Variants in ATP8A1 observed in about 807,000 individuals in gnomAD.
ATP8A1 encodes the protein ATPase phospholipid transporting 8A1.
Under a neutral mutation model 177.7 loss-of-function variants are expected in ATP8A1, and 90 were observed. The ratio of observed to expected loss-of-function variants is 0.51; its 90% CI spans 0.43 to 0.60. The LOEUF is 0.60. ATP8A1 is among the 20% of genes least tolerant of loss of function. ATP8A1 has a pLI of 0.00. For synonymous variants in ATP8A1, 493 were observed against 485.9 expected, an observed-to-expected ratio of 1.01 and a Z score of -0.19; for missense variants, 1,072 against 1,392.8, an observed-to-expected ratio of 0.77 and a Z score of 3.67.
intron 22 of ATP8A1, among the ~76,000 whole-genome samples, chr4:42,513,828 G>C (rs1578083960): frequency 1.3e-5 from 2 of 152,150 alleles, no homozygotes; most frequent in East Asian, 3.8e-4. Flanking sequence ...GCTGGATTAG[G>C]ACAAAAGAAG....
At chr4:42,621,173 G>C (rs1331648114) in intron 4 of ATP8A1, among the ~76,000 whole-genome samples, 1 of 152,216 alleles carries the variant, frequency 6.6e-6, no homozygotes, top group Non-Finnish European at 1.5e-5. Context: ...TTCTCAGCTA[G>C]TGTCTCCATC....
chr4:42,568,648 A>C (rs1326160783), intron 15 of ATP8A1, among the ~76,000 whole-genome samples: 2 of 152,230 alleles, frequency 1.3e-5, no homozygotes. Flanking sequence ...GCTTGGTAGC[A>C]TAGTTTTCTA....
intron 25 of ATP8A1, among the ~76,000 whole-genome samples, chr4:42,477,242 T>A (rs893243667): frequency 6.6e-6 from 1 of 152,218 alleles, no homozygotes; most frequent in East Asian, 1.9e-4. Flanking sequence ...TCCTGTGAGA[T>A]GTTCAACCTC....
chr4:42,633,974 A>G (rs182648114), intron 1 of ATP8A1, among the ~76,000 whole-genome samples: 1 of 152,352 alleles, frequency 6.6e-6, no homozygotes, highest in African/African-American at 2.4e-5. Context: ...CATGAGGGCC[A>G]CTAACAGTAA....
rs745763505 is a variant in ATP8A1 at position 42,446,616 on chromosome 4, C to T, written c.2925G>A (p.Ser975=). 19 of 1,613,910 alleles carry T rather than the reference C, an allele frequency of 1.2e-5. No homozygotes were observed. The highest frequency in any genetic ancestry group is 1.6e-4 in the Middle Eastern group (1 of 6,062). Residue 975 remains serine, a synonymous_variant, in exon 31 of 37, where the codon TCG becomes TCA. Coordinates refer to ENST00000381668, the MANE Select transcript of ATP8A1 (RefSeq NM_006095.2). ...CAAAGTTTCCCAGTAGCAGATAATC[C>T]GAGGTTTTCCCATTTCCAAATGCAG... The part of the protein sequence containing the change: ...YGTAFGNGKT[S]DYLLLGNFVY...
At chr4:42,523,192 T>C (rs1259310817) in intron 21 of ATP8A1, among the ~76,000 whole-genome samples, 2 of 152,166 alleles carry the variant, frequency 1.3e-5, no homozygotes, top group Non-Finnish European at 2.9e-5. Context: ...CCACCCTGTG[T>C]CTGGTGCCTG....
chr4:42,500,099 T>C (rs979283857), intron 24 of ATP8A1, among the ~76,000 whole-genome samples: 2 of 152,242 alleles, frequency 1.3e-5, no homozygotes, highest in Non-Finnish European at 2.9e-5. Context: ...GCGCAGTGGC[T>C]CATGCCTGTA....
Position 42,481,027 on chromosome 4 carries a change from A to C in ATP8A1, c.2324+4469T>G, listed in dbSNP as rs566517714. 5.9e-5 allele frequency among the ~76,000 whole-genome samples: 9 copies of C among 152,380 alleles called. No homozygotes were observed. In the South Asian group the frequency reaches 6.2e-4, roughly 11 times the overall value. ...GTTTAAACTAAACTGACAACTACAG[A>C]AAAATGTAAAATTCTTTGAAAGGCT... is the stretch of plus-strand genomic sequence containing the variant. On this transcript the variant is annotated intron_variant, in intron 25 of 36. Coordinates refer to ENST00000381668, the MANE Select transcript of ATP8A1 (RefSeq NM_006095.2).
chr4:42,637,287 G>A (rs910240629), intron 1 of ATP8A1: 2 of 499,580 alleles, frequency 4.0e-6, no homozygotes, highest in Non-Finnish European at 8.0e-6. Flanking sequence ...GATGTTAACA[G>A]CTGCCCTAAA....
chr4:42,524,084 G>A (rs1296998997), intron 21 of ATP8A1, among the ~76,000 whole-genome samples: 1 of 152,086 alleles, frequency 6.6e-6, no homozygotes, highest in African/African-American at 2.4e-5. Flanking sequence ...ACAAATTCTT[G>A]TAGTAACTGA....
intron 24 of ATP8A1, among the ~76,000 whole-genome samples, chr4:42,495,222 G>A (rs185690855): frequency 1.6e-4 from 24 of 152,176 alleles, no homozygotes; most frequent in African/African-American, 4.8e-4. Flanking sequence ...ATGAATTAAC[G>A]GAACATTCTA....
intron 5 of ATP8A1, among the ~76,000 whole-genome samples, chr4:42,613,076 C>G (rs1736533139): frequency 6.6e-6 from 1 of 152,172 alleles, no homozygotes; most frequent in Non-Finnish European, 1.5e-5. Context: ...TGCCTCAATT[C>G]AGAAAAGCAA....
intron 20 of ATP8A1, among the ~76,000 whole-genome samples, chr4:42,541,158 T>TA (rs1258958516): frequency 6.6e-6 from 1 of 151,498 alleles, no homozygotes; most frequent in African/African-American, 2.4e-5. Context: ...TAAATACAAT[T>TA]AAAAAAATAA....
At chr4:42,606,492 G>A (rs1462584744) in intron 5 of ATP8A1, among the ~76,000 whole-genome samples, 1 of 149,040 alleles carries the variant, frequency 6.7e-6, no homozygotes, top group Admixed American at 6.7e-5. Context: ...CTCTATATAT[G>A]CTTAAACTGA....
At chr4:42,461,452 G>C (rs185380063) in intron 27 of ATP8A1, among the ~76,000 whole-genome samples, 5 of 152,122 alleles carry the variant, frequency 3.3e-5, no homozygotes, top group Non-Finnish European at 5.9e-5. Context: ...AGATTTGATG[G>C]TTTTGAAAAG....
chr4:42,625,046 GA>G (rs61670057), intron 3 of ATP8A1: 30,963 of 127,212 alleles, frequency 0.24, 3,716 homozygotes, highest in Non-Finnish European at 0.3. Flanking sequence ...TGCTTGGGAG[GA>G]AAAAAAAAAA....
At chr4:42,471,194 T>C (rs138770466) in intron 25 of ATP8A1, among the ~76,000 whole-genome samples, 52 of 152,308 alleles carry the variant, frequency 3.4e-4, no homozygotes, top group African/African-American at 1.1e-3. Context: ...CTTAGCAATA[T>C]GGTACATAAT....
chr4:42,604,783 A>G (rs923349300), intron 5 of ATP8A1, among the ~76,000 whole-genome samples: 1 of 152,252 alleles, frequency 6.6e-6, no homozygotes, highest in Non-Finnish European at 1.5e-5. Flanking sequence ...CCACATGTCT[A>G]TCAACTGATG....
intron 13 of ATP8A1, 105 bp from the exon 14 acceptor site, chr4:42,574,812 A>G (rs1732276856): frequency 2.8e-6 from 2 of 710,394 alleles, no homozygotes; most frequent in African/African-American, 3.7e-5. Flanking sequence ...GGCACAATGA[A>G]TATTACTAAG....
Sources: allele counts gnomAD v4.1 joint callset (sites outside exome capture counted in the v4.1 genomes callset), GRCh38; gene constraint gnomAD v4.1.1; transcripts MANE v1.5; gene names NCBI Gene and HGNC (gene_info 2026-07-23, HGNC 2026-07-21).